VWA5B1: variants seen among roughly 807,000 people sequenced by gnomAD.
VWA5B1 encodes von Willebrand factor A domain containing 5B1.
A neutral mutation model predicts 118.2 loss-of-function variants in VWA5B1; 115 were observed. The observed-to-expected ratio is 0.97, with a 90% CI of 0.84 to 1.14. The LOEUF (loss-of-function observed/expected upper bound fraction) is 1.14, where lower values mean the gene tolerates loss of function less well. Among genes scored for constraint, VWA5B1 ranks in the 50% most tolerant of loss-of-function variants. VWA5B1 has a pLI of 0.00. For synonymous variants in VWA5B1, 682 were observed against 658.4 expected, an observed-to-expected ratio of 1.04 and a Z score of -0.55; for missense variants, 1,596 against 1,603.8, an observed-to-expected ratio of 1.00 and a Z score of 0.08.
rs1163830716 is a variant in VWA5B1, at chr1:20,310,694, A to C, written c.93A>C (p.Leu31=). ...GTGTCAGCGGTTATGCCCTGGGCCT[A>C]ACTGCCTCCCTCACCTATGGCAACC... ...TSCVSGYALG[L]TASLTYGNLE... The change falls in exon 2 of 22, where the codon CTA becomes CTC. Residue 31 remains leucine, a synonymous_variant. Coordinates refer to ENST00000289815, the MANE Select transcript of VWA5B1 (RefSeq NM_001039500.3). 6.4e-7 allele frequency: 1 copy of C among 1,550,870 alleles called. No individual in the cohort carries two copies. Among genetic ancestry groups the C allele is most frequent in the East Asian group, 2.5e-5 (1 of 40,772 alleles).
Position 20,336,356 on chromosome 1 carries a change from C to G in VWA5B1, c.1812C>G (p.Val604=). Residue 604 remains valine (V), a synonymous_variant, in exon 13 of 22, where the codon GTC becomes GTG. Coordinates refer to ENST00000289815, the MANE Select transcript of VWA5B1 (RefSeq NM_001039500.3). The stretch of plus-strand genomic sequence containing the variant: ...ACTCTCAGGAGTCTGGCAGCTCTGT[C>G]TTCTACCACTCTCAGGATGACGGAC... ...MLHSQESGSS[V]FYHSQDDGPG... The G allele has an allele frequency of 6.5e-7, 1 of 1,528,926 alleles. No individual in the cohort carries two copies. Among genetic ancestry groups the G allele is most frequent in the African/African-American group, 1.4e-5 (1 of 72,728 alleles). The allele number at this position is 1,528,926 out of a possible 1,614,324, so 94.7% of individuals were successfully genotyped here.
intron 17 of VWA5B1, among the ~76,000 whole-genome samples, chr1:20,347,432 T>C: frequency 6.6e-6 from 1 of 150,566 alleles, no homozygotes. Context: ...CTATAACTTC[T>C]TTCTTCTTCT....
In VWA5B1 at chr1:20,354,486, C is replaced by T. The variant is rs1288989263; in HGVS notation, c.*223C>T. ...CCTGCCCCCGTCTGGGCCTCAGTTTCCTCATCTATAAAATAAGAGGGCGAG... is the reference window on the plus strand; with the variant it reads ...CCTGCCCCCGTCTGGGCCTCAGTTTTCTCATCTATAAAATAAGAGGGCGAG... On this transcript the variant is annotated 3_prime_UTR_variant, in exon 22 of 22. Transcript: ENST00000289815. The T allele has an allele frequency of 1.7e-6, 1 of 583,644 alleles. No individual in the cohort carries two copies. Among genetic ancestry groups the T allele is most frequent in the African/African-American group, 1.9e-5 (1 of 53,294 alleles). The allele number at this position is 583,644 out of a possible 1,614,324, so 36.2% of individuals were successfully genotyped here.
chr1:20,307,648 C>G (rs1296343005), intron 1 of VWA5B1, among the ~76,000 whole-genome samples: 1 of 152,032 alleles, frequency 6.6e-6, no homozygotes, highest in East Asian at 2.0e-4. Context: ...ATTATAAACT[C>G]CTTGCCATGT....
chr1:20,332,703 A>G (rs2089605303), intron 11 of VWA5B1, 63 bp from the exon 12 acceptor site: 1 of 1,511,708 alleles, frequency 6.6e-7, no homozygotes. Context: ...TGATACTTAC[A>G]TGATCTTCTG....
At chr1:20,334,368 C>T (rs66819832) in intron 12 of VWA5B1, among the ~76,000 whole-genome samples, 29,789 of 152,080 alleles carry the variant, frequency 0.2, 3,196 homozygotes, top group East Asian at 0.39. Context: ...AGGGACTGGA[C>T]GCAGTCATCA....
At position 20,343,129 on chromosome 1, in the gene VWA5B1, G is replaced by A. The variant is rs576450504; in HGVS notation, c.2362G>A (p.Asp788Asn). 10 of 1,543,514 alleles carry A rather than the reference G, an allele frequency of 6.5e-6. No homozygotes were observed. Among genetic ancestry groups the A allele is most frequent in the Non-Finnish European group, 8.8e-6 (10 of 1,142,090 alleles). The change falls in exon 16 of 22, where the codon GAC becomes AAC. Residue 788 changes from aspartate (D) to asparagine (N), a missense_variant. Physicochemically the swap from Asp to Asn is conservative, Grantham distance 23. Coordinates refer to ENST00000289815, the MANE Select transcript of VWA5B1 (RefSeq NM_001039500.3). ...CGAGACAGAGACGTCCTCGGACTGGGACCCCCCAGCCGAGTCCCAGGAGCG... is the reference window on the plus strand; with the variant it reads ...CGAGACAGAGACGTCCTCGGACTGGAACCCCCCAGCCGAGTCCCAGGAGCG... ...AFETETSSDW[D>N]PPAESQERAS... is the part of the protein sequence containing the mutation.
intron 12 of VWA5B1, among the ~76,000 whole-genome samples, chr1:20,334,359 G>T (rs1459753762): frequency 6.6e-6 from 1 of 152,162 alleles, no homozygotes; most frequent in African/African-American, 2.4e-5. Flanking sequence ...CCCACTAGAA[G>T]GGACTGGACG....
intron 8 of VWA5B1, among the ~76,000 whole-genome samples, chr1:20,324,906 T>C (rs1385517958): frequency 1.3e-5 from 2 of 152,174 alleles, no homozygotes; most frequent in Non-Finnish European, 2.9e-5. Flanking sequence ...AACATTGGAA[T>C]GAGAAGCTGT....
At chr1:20,291,381 C>G (rs906978603) in intron 1 of VWA5B1, among the ~76,000 whole-genome samples, 1 of 149,510 alleles carries the variant, frequency 6.7e-6, no homozygotes, top group Non-Finnish European at 1.5e-5. Context: ...CTCTCTCTCT[C>G]TCTCTTTCTG....
At chr1:20,325,492 C>G (rs1287787272) in intron 8 of VWA5B1, among the ~76,000 whole-genome samples, 6 of 152,108 alleles carry the variant, frequency 3.9e-5, no homozygotes. Flanking sequence ...CATTTTTTTT[C>G]CTGCTGAGCC....
At chr1:20,324,550 G>A (rs961656391) in intron 8 of VWA5B1, among the ~76,000 whole-genome samples, 1 of 152,146 alleles carries the variant, frequency 6.6e-6, no homozygotes, top group African/African-American at 2.4e-5. Flanking sequence ...TGCATAAAAA[G>A]CCTTCTATCT....
chr1:20,345,456 G>C lies in VWA5B1; in HGVS notation c.2627G>C (p.Gly876Ala). The C allele has an allele frequency of 6.4e-7, 1 of 1,550,846 alleles. No homozygotes were observed. The highest frequency in any genetic ancestry group is 1.4e-5 in the African/African-American group (1 of 73,148). ...LAEREGEIEQGSNRRYQVSAL... is the reference protein window; with the variant it reads ...LAEREGEIEQASNRRYQVSAL... ...GTGACCCCAGTTTCTCCCTCCACAG[G>C]GTCCAACCGCCGCTACCAAGTGAGC... The change falls in exon 17 of 22, where the codon GGG becomes GCG. Residue 876 changes from glycine to alanine, a missense_variant and splice_region_variant. Physicochemically the swap from Gly to Ala is moderately conservative, Grantham distance 60 (BLOSUM62 0). Transcript: ENST00000289815.
At chr1:20,331,973 T>A (rs2089568155) in intron 11 of VWA5B1, among the ~76,000 whole-genome samples, 1 of 152,128 alleles carries the variant, frequency 6.6e-6, no homozygotes, top group African/African-American at 2.4e-5. Flanking sequence ...ACCTAGCGCA[T>A]GTCATTTACT....
intron 17 of VWA5B1, among the ~76,000 whole-genome samples, chr1:20,346,245 T>C (rs1392427168): frequency 6.6e-6 from 1 of 152,188 alleles, no homozygotes; most frequent in African/African-American, 2.4e-5. Context: ...AAGTAGACGC[T>C]ATTATTATCC....
chr1:20,305,650 C>T (rs1388600341), intron 1 of VWA5B1, among the ~76,000 whole-genome samples: 1 of 151,952 alleles, frequency 6.6e-6, no homozygotes, highest in East Asian at 1.9e-4. Context: ...GTAGAGGACA[C>T]AGGGGAAGGT....
rs1301162301 is a variant in VWA5B1 at position 20,352,175 on chromosome 1, G to A, written c.3141+3G>A. ...AGAGCTTCGACTACATACCTCTGGT[G>A]AGTGCCCTGACCCCAGGTGTCAGTC... On this transcript the variant is annotated splice_donor_region_variant and intron_variant, in intron 21 of 21. Transcript: ENST00000289815. 9.7e-6 allele frequency: 15 copies of A among 1,549,146 alleles called. No homozygotes were observed. Among genetic ancestry groups the A allele is most frequent in the Non-Finnish European group, 1.2e-5 (14 of 1,145,646 alleles).
chr1:20,311,743 ACCT>A (rs1010646904), intron 2 of VWA5B1, among the ~76,000 whole-genome samples: 2 of 151,778 alleles, frequency 1.3e-5, no homozygotes, highest in Non-Finnish European at 2.9e-5. Context: ...TGGTGACCAA[ACCT>A]CAGCCCCACC....
Position 20,350,873 on chromosome 1 carries a change from G to A in VWA5B1, c.2970G>A (p.Leu990=), listed in dbSNP as rs2090115344. The change falls in exon 20 of 22, where the codon CTG becomes CTA. Residue 990 remains leucine, a synonymous_variant. Transcript: ENST00000289815. ...HGASEGPQRS[L]ATNTLSSMKA... The stretch of plus-strand genomic sequence containing the variant: ...GCTCTCCAGGTCCCCAGCGCAGCCT[G>A]GCTACAAATACTCTTTCTTCCATGA... 6.4e-7 allele frequency: 1 copy of A among 1,551,868 alleles called. No individual in the cohort carries two copies. Among genetic ancestry groups the A allele is most frequent in the African/African-American group, 1.4e-5 (1 of 73,136 alleles).
Sources: allele counts gnomAD v4.1 joint callset (sites outside exome capture counted in the v4.1 genomes callset), GRCh38; gene constraint gnomAD v4.1.1; transcripts MANE v1.5; gene names NCBI Gene and HGNC (gene_info 2026-07-23, HGNC 2026-07-21).